CAPZA2: variants seen among roughly 807,000 people sequenced by gnomAD.
CAPZA2 encodes the protein capping actin protein of muscle Z-line subunit alpha 2.
CAPZA2 carries 13 observed loss-of-function variants against 44.0 expected under a neutral mutation model. The ratio of observed to expected loss-of-function variants is 0.30; its 90% CI spans 0.19 to 0.47. The LOEUF (loss-of-function observed/expected upper bound fraction) is 0.47. CAPZA2 is among the 20% of genes least tolerant of loss of function. The probability of loss-of-function intolerance (pLI) is 1.00; values close to 1 mark genes in which losing one functional copy is unlikely to be tolerated. For synonymous variants in CAPZA2, 94 were observed against 108.2 expected (o/e 0.87, Z 0.81); for missense variants, 244 against 338.6 (o/e 0.72, Z 2.19).
chr7:116,902,918 G>T (rs1797015107), intron 4 of CAPZA2, among the ~76,000 whole-genome samples: 1 of 151,984 alleles, frequency 6.6e-6, no homozygotes, highest in Non-Finnish European at 1.5e-5. Context: ...TTACTATGTT[G>T]CCCGGGCTGG....
chr7:116,919,806 A>G lies in CAPZA2; in HGVS notation c.*1939A>G, dbSNP rs1791740306. Reference sequence around the variant, plus strand: ...CGTGAACCCGGGAGGCGGAGCTCGCAGTGAGCCGAGATCGCGCCACTGCAC... The same window carrying G: ...CGTGAACCCGGGAGGCGGAGCTCGCGGTGAGCCGAGATCGCGCCACTGCAC... On this transcript the variant is annotated 3_prime_UTR_variant, in exon 10 of 10. Transcript: ENST00000361183. 1 of 151,868 alleles carries G rather than the reference A, an allele frequency of 6.6e-6. No individual in the cohort carries two copies. The highest frequency in any genetic ancestry group is 2.1e-4 in the South Asian group (1 of 4,806). 9.4% of individuals were successfully genotyped at this position (151,868 alleles called of 1,614,324 possible).
chr7:116,894,720 C>CT (rs1796902224), intron 3 of CAPZA2, among the ~76,000 whole-genome samples: 1 of 152,128 alleles, frequency 6.6e-6, no homozygotes, highest in Non-Finnish European at 1.5e-5. Context: ...ATTTGACAAC[C>CT]TAGGTACCTC....
intron 1 of CAPZA2, among the ~76,000 whole-genome samples, chr7:116,883,084 GA>G (rs1343096325): frequency 6.6e-6 from 1 of 151,608 alleles, no homozygotes; most frequent in African/African-American, 2.4e-5. Flanking sequence ...GGTGGATAAG[GA>G]AAAAAAACAT....
intron 4 of CAPZA2, 39 bp downstream of exon 4, chr7:116,898,874 A>G: frequency 8.0e-7 from 1 of 1,252,748 alleles, no homozygotes. Flanking sequence ...TTTTGTTTAT[A>G]ACCGTTAAGG....
At chr7:116,888,915 T>C (rs762840527) in intron 2 of CAPZA2, among the ~76,000 whole-genome samples, 6 of 152,172 alleles carry the variant, frequency 3.9e-5, no homozygotes, top group Admixed American at 6.5e-5. Flanking sequence ...TGTATTTCTT[T>C]TAAAGAAAAT....
At position 116,894,247 on chromosome 7, in the gene CAPZA2, A is replaced by G. The variant is rs553939586; in HGVS notation, c.155+1202A>G. On this transcript the variant is annotated intron_variant, in intron 3 of 9. Transcript: ENST00000361183. ...CATGGTGGCACATTCCTGTAGTCCC[A>G]GCTACTTGGGAGGCTGAGGCAGGAG... Among the ~76,000 whole-genome samples, 299 of 152,144 alleles carry G rather than the reference A, an allele frequency of 2.0e-3. 1 individual carries two copies. Among genetic ancestry groups the G allele is most frequent in the Admixed American group, 3.4e-3 (52 of 15,278 alleles).
intron 1 of CAPZA2, among the ~76,000 whole-genome samples, chr7:116,880,822 C>G (rs892524325): frequency 1.4e-5 from 2 of 146,844 alleles, no homozygotes; most frequent in African/African-American, 5.0e-5. Flanking sequence ...ATTCTCCTGC[C>G]TCAGCCTCCT....
intron 6 of CAPZA2, among the ~76,000 whole-genome samples, chr7:116,909,028 G>A (rs1180245779): frequency 6.6e-6 from 1 of 152,092 alleles, no homozygotes; most frequent in African/African-American, 2.4e-5. Flanking sequence ...ATACTTACCA[G>A]TTTAACATCC....
chr7:116,908,217 C>T (rs1416467948), intron 6 of CAPZA2, among the ~76,000 whole-genome samples: 1 of 151,896 alleles, frequency 6.6e-6, no homozygotes, highest in Non-Finnish European at 1.5e-5. Context: ...GCTATAATCA[C>T]GCCACTGCAC....
rs557434747 is a variant in CAPZA2 at position 116,880,696 on chromosome 7, C to CTT, written c.40-7394_40-7393dup. 5.2e-3 allele frequency among the ~76,000 whole-genome samples: 129 copies of CTT among 24,682 alleles called. 53 individuals are homozygous for CTT. Among genetic ancestry groups the CTT allele is most frequent in the South Asian group, 0.011 (6 of 566 alleles). 16.2% of individuals were successfully genotyped at this position (24,682 alleles called of 152,430 possible). ...ATAGGCATGAGCCACTGTAACCTGCCTTTTTTTTTTTTTTTTTTTTTTTTT... is the reference window on the plus strand; with the variant it reads ...ATAGGCATGAGCCACTGTAACCTGCCTTTTTTTTTTTTTTTTTTTTTTTTTTT... On this transcript the variant is annotated intron_variant, in intron 1 of 9. Transcript: ENST00000361183.
In CAPZA2 at chr7:116,917,842, T is replaced by C; in HGVS notation, c.836T>C (p.Ile279Thr). ...IDWNKILSYK[I>T]GKEMQNA ...TGGAACAAGATCCTTAGCTACAAGA[T>C]TGGCAAAGAGATGCAGAATGCATAA... The change falls in exon 10 of 10, where the codon ATT becomes ACT. Residue 279 changes from isoleucine to threonine, a missense_variant. Ile to Thr is a moderately conservative substitution (Grantham distance 89, BLOSUM62 -1). Coordinates refer to ENST00000361183, the MANE Select transcript of CAPZA2 (RefSeq NM_006136.3). 1 of 1,613,404 alleles carries C rather than the reference T, an allele frequency of 6.2e-7. No individual in the cohort carries two copies. The highest frequency in any genetic ancestry group is 8.5e-7 in the Non-Finnish European group (1 of 1,179,312).
At chr7:116,896,189 C>T (rs1427191009) in intron 3 of CAPZA2, among the ~76,000 whole-genome samples, 2 of 151,388 alleles carry the variant, frequency 1.3e-5, no homozygotes, top group African/African-American at 2.4e-5. Context: ...TGCCCTTTAC[C>T]GTTTTTGTAG....
At chr7:116,886,121 T>C (rs1317591836) in intron 1 of CAPZA2, 1 of 154,800 alleles carries the variant, frequency 6.5e-6, no homozygotes, top group Non-Finnish European at 1.5e-5. Flanking sequence ...ATAACAAAAA[T>C]GGTATTTAAA....
chr7:116,868,904 A>G (rs1796515097), intron 1 of CAPZA2, among the ~76,000 whole-genome samples: 1 of 152,234 alleles, frequency 6.6e-6, no homozygotes, highest in Non-Finnish European at 1.5e-5. Context: ...CTGTAGCATT[A>G]GTGGAGTTTT....
Position 116,921,482 on chromosome 7 carries a change from A to C in CAPZA2, c.*3615A>C, listed in dbSNP as rs1791769889. ...TGGATCATTTAAGGTCAGGAGTTCA[A>C]GACCAGTCTGGCTAATATGATGAAA... On this transcript the variant is annotated 3_prime_UTR_variant, in exon 10 of 10. Coordinates refer to ENST00000361183, the MANE Select transcript of CAPZA2 (RefSeq NM_006136.3). 1 of 152,208 alleles carries C rather than the reference A, an allele frequency of 6.6e-6. No homozygotes were observed. Among genetic ancestry groups the C allele is most frequent in the Admixed American group, 6.6e-5 (1 of 15,266 alleles). 9.4% of individuals were successfully genotyped at this position (152,208 alleles called of 1,614,324 possible).
At chr7:116,879,466 G>C (rs1156325314) in intron 1 of CAPZA2, among the ~76,000 whole-genome samples, 1 of 152,186 alleles carries the variant, frequency 6.6e-6, no homozygotes, top group Non-Finnish European at 1.5e-5. Flanking sequence ...TTTTTCCACA[G>C]GGGATAGCGG....
chr7:116,907,087 A>G (rs1179079143), intron 6 of CAPZA2, among the ~76,000 whole-genome samples: 1 of 152,242 alleles, frequency 6.6e-6, no homozygotes, highest in East Asian at 1.9e-4. Flanking sequence ...TTAGTATATT[A>G]GCCTTTGACT....
At chr7:116,874,070 T>G (rs757279172) in intron 1 of CAPZA2, 2 of 153,152 alleles carry the variant, frequency 1.3e-5, no homozygotes, top group African/African-American at 4.8e-5. Flanking sequence ...CTAGATGTTT[T>G]GCACTCACTA....
rs548039214 is a variant in CAPZA2, at chr7:116,900,503, A to G, written c.219+1668A>G. ...TCATGAGTTGTCCTTTATTACAGCA[A>G]GTAAGGACCTGAAACTAGAAATGGT... On this transcript the variant is annotated intron_variant, in intron 4 of 9. Transcript: ENST00000361183. 2.0e-5 allele frequency among the ~76,000 whole-genome samples: 3 copies of G among 152,112 alleles called. No homozygotes were observed. The South Asian group carries it at 6.2e-4, about 31-fold the overall frequency.
Sources: gnomAD v4.1 joint callset for allele counts (sites outside exome capture counted in the v4.1 genomes callset) on GRCh38, gnomAD v4.1.1 for gene constraint, MANE v1.5 for transcripts, NCBI Gene and HGNC (gene_info 2026-07-23, HGNC 2026-07-21) for gene names.